Variants in NUMA1 observed in about 807,000 individuals in gnomAD.
NUMA1 encodes the protein nuclear mitotic apparatus protein 1.
NUMA1 carries 62 observed loss-of-function variants against 237.1 expected under a neutral mutation model. The observed-to-expected ratio is 0.26, with a 90% CI of 0.21 to 0.32. The LOEUF is 0.32. Among genes scored for constraint, NUMA1 ranks in the 10% least tolerant of loss-of-function variants. The pLI is 1.00. For synonymous variants in NUMA1, 1,028 were observed against 1,066.1 expected, an observed-to-expected ratio of 0.96 and a Z score of 0.70; for missense variants, 2,533 against 2,666.5, an observed-to-expected ratio of 0.95 and a Z score of 1.10.
At chr11:72,024,120 G>C in intron 5 of NUMA1, 154 bp downstream of exon 5, 1 of 620,404 alleles carries the variant, frequency 1.6e-6, no homozygotes, top group East Asian at 2.8e-5. Flanking sequence ...CAAGACCCAG[G>C]GGATCTGAAC....
At chr11:72,026,977 C>A (rs949071637) in intron 4 of NUMA1, among the ~76,000 whole-genome samples, 1 of 152,194 alleles carries the variant, frequency 6.6e-6, no homozygotes, top group African/African-American at 2.4e-5. Context: ...TCAGGCAACA[C>A]CCTAGAAGAC....
At chr11:72,021,463 C>A (rs1490409019) in intron 7 of NUMA1, among the ~76,000 whole-genome samples, 172 bp from the exon 8 acceptor site, 1 of 152,230 alleles carries the variant, frequency 6.6e-6, no homozygotes, top group Non-Finnish European at 1.5e-5. Flanking sequence ...CAACAACATT[C>A]AACTAGAGAT....
intron 8 of NUMA1, 48 bp downstream of exon 8, chr11:72,021,156 T>TC (rs766186520): frequency 4.2e-6 from 6 of 1,443,374 alleles, no homozygotes; most frequent in South Asian, 2.3e-5. Flanking sequence ...ATCCTAGTAT[T>TC]CCCCATTTCA....
At chr11:72,072,097 T>C (rs946511856) in intron 1 of NUMA1, 2 of 152,534 alleles carry the variant, frequency 1.3e-5, no homozygotes, top group South Asian at 4.1e-4. Context: ...AAAACTCACA[T>C]TGTCACACCA....
rs779273672 is a variant in NUMA1 at position 72,006,102 on chromosome 11, G to C, written c.5625C>G (p.Gly1875=). The C allele has an allele frequency of 1.1e-5, 18 of 1,614,042 alleles. No homozygotes were observed. Among genetic ancestry groups the C allele is most frequent in the Non-Finnish European group, 1.4e-5 (17 of 1,180,026 alleles). ...YGNSALLSLP[G]YRPTTRSSAR... is the part of the protein sequence containing the mutation. ...CAGAACTGCGAGTGGTGGGGCGGTA[G>C]CCAGGCAAGCTGAGCAGGGCTGAGT... The change falls in exon 22 of 27, where the codon GGC becomes GGG. Residue 1875 remains glycine, a synonymous_variant. Transcript: ENST00000393695.
Position 72,013,860 on chromosome 11 carries a change from G to C in NUMA1, c.3643C>G (p.Arg1215Gly). The C allele has an allele frequency of 1.2e-6, 2 of 1,613,478 alleles. No homozygotes were observed. Among genetic ancestry groups the C allele is most frequent in the Non-Finnish European group, 1.7e-6 (2 of 1,180,018 alleles). ...AEDEWKAQVA[R>G]GRQEAERKNS... The stretch of plus-strand genomic sequence containing the variant: ...TTCCTCTCAGCCTCTTGCCGGCCCC[G>C]GGCCACCTGGGCCTTCCACTCATCT... Residue 1215 changes from arginine (R) to glycine (G), a missense_variant, in exon 15 of 27, where the codon CGG becomes GGG. By Grantham distance (125) the Arg-to-Gly change is moderately radical. Transcript: ENST00000393695. This position sits in a 1 kb window ranked among gnomAD's most constrained non-coding sequence, Gnocchi z 6.8.
chr11:72,024,241 G>T, intron 5 of NUMA1, 33 bp downstream of exon 5: 1 of 1,601,182 alleles, frequency 6.2e-7, no homozygotes, highest in Non-Finnish European at 8.6e-7. Context: ...TGAGGAAGCA[G>T]CTTCTTCATA....
At chr11:72,033,670 C>T (rs116046309) in intron 3 of NUMA1, among the ~76,000 whole-genome samples, 3,466 of 152,244 alleles carry the variant, frequency 0.023, 130 homozygotes, top group African/African-American at 0.079. Flanking sequence ...CTGCACCTGG[C>T]CTCATGCATA....
chr11:72,067,580 T>G (rs1456825664), intron 2 of NUMA1: 1 of 152,134 alleles, frequency 6.6e-6, no homozygotes, highest in East Asian at 1.9e-4. Flanking sequence ...CACCCAGCTG[T>G]GACTATAAGT....
intron 2 of NUMA1, among the ~76,000 whole-genome samples, chr11:72,056,922 A>G (rs953936803): frequency 2.6e-5 from 4 of 152,086 alleles, no homozygotes; most frequent in Admixed American, 2.6e-4. Flanking sequence ...CAAAAATGGC[A>G]TTGAAAATGG....
rs76829666 is a variant in NUMA1, at chr11:72,012,316, G to T, written c.4650+85C>A. 9.1e-4 allele frequency: 1,181 copies of T among 1,297,080 alleles called. 18 individuals carry two copies. In the African/African-American group the frequency reaches 0.015, roughly 17 times the overall value. The allele number at this position is 1,297,080 out of a possible 1,614,324, so 80.3% of individuals were successfully genotyped here. On this transcript the variant is annotated intron_variant, in intron 16 of 26. Coordinates refer to ENST00000393695, the MANE Select transcript of NUMA1 (RefSeq NM_006185.4). ...CACAAACAGTTCACAACAGGAGCTG[G>T]CGGAGGCAAGCTGCAGCCGGGCTCA... is the stretch of plus-strand genomic sequence containing the variant.
chr11:72,025,675 G>A (rs1590957665), intron 4 of NUMA1, among the ~76,000 whole-genome samples: 1 of 152,214 alleles, frequency 6.6e-6, no homozygotes, highest in South Asian at 2.1e-4. Context: ...GGCAGGCCCA[G>A]AACCTTCCAA....
At chr11:72,031,135 T>C in intron 3 of NUMA1, among the ~76,000 whole-genome samples, 1 of 151,060 alleles carries the variant, frequency 6.6e-6, no homozygotes, top group Non-Finnish European at 1.5e-5. Context: ...ACTAAATAAA[T>C]AAATAAGCAA....
intron 1 of NUMA1, among the ~76,000 whole-genome samples, chr11:72,070,672 G>A (rs1196667377): frequency 2.0e-5 from 3 of 152,146 alleles, no homozygotes; most frequent in Non-Finnish European, 2.9e-5. Flanking sequence ...GCTAGGTGTG[G>A]TGGAGTGTGC....
Position 72,007,300 on chromosome 11 carries a change from G to A in NUMA1, c.5352C>T (p.Ala1784=). 6.2e-7 allele frequency: 1 copy of A among 1,613,318 alleles called. No individual in the cohort carries two copies. The highest frequency in any genetic ancestry group is 8.5e-7 in the Non-Finnish European group (1 of 1,179,754). Residue 1784 remains alanine, a synonymous_variant, in exon 21 of 27, where the codon GCC becomes GCT. Transcript: ENST00000393695. ...GGGAGTCCAGGCTGCTCTCCAGGGG[G>A]GCCTGACTCCGAGCAGGGATGGGAG... ...YFTPIPARSQ[A]PLESSLDSLG...
At chr11:72,027,924 T>C (rs2135485009) in intron 4 of NUMA1, among the ~76,000 whole-genome samples, 1 of 152,270 alleles carries the variant, frequency 6.6e-6, no homozygotes, top group South Asian at 2.1e-4. Context: ...CAAGATGATG[T>C]TGAAATGTCC....
chr11:72,052,830 A>G (rs1942442941), intron 2 of NUMA1, among the ~76,000 whole-genome samples: 1 of 152,136 alleles, frequency 6.6e-6, no homozygotes, highest in South Asian at 2.1e-4. Flanking sequence ...ATACTAAGAA[A>G]TTGTAGGTGA....
intron 22 of NUMA1, 41 bp from the exon 23 acceptor site, chr11:72,005,410 C>A: frequency 6.3e-7 from 1 of 1,589,414 alleles, no homozygotes; most frequent in East Asian, 2.3e-5. Flanking sequence ...AGCCTGGAGT[C>A]GGCAGGTCAC....
chr11:72,046,571 A>C (rs532905010), intron 2 of NUMA1, among the ~76,000 whole-genome samples: 3 of 151,864 alleles, frequency 2.0e-5, no homozygotes, highest in African/African-American at 7.2e-5. Flanking sequence ...GAGAAGAAAG[A>C]AAGGGGTGGA....
Sources: allele counts gnomAD v4.1 joint callset (sites outside exome capture counted in the v4.1 genomes callset), GRCh38; gene constraint gnomAD v4.1.1; non-coding constraint Gnocchi (gnomAD v3.1); transcripts MANE v1.5; gene names NCBI Gene and HGNC (gene_info 2026-07-23, HGNC 2026-07-21).